PTPRA: variants seen among roughly 807,000 people sequenced by gnomAD.
PTPRA encodes receptor-type tyrosine-protein phosphatase alpha.
In PTPRA, 25 loss-of-function variants were observed where a neutral mutation model predicts 104.8. The ratio of observed to expected loss-of-function variants is 0.24; its 90% CI spans 0.17 to 0.33. The LOEUF is 0.33. Among genes scored for constraint, PTPRA ranks in the 10% least tolerant of loss-of-function variants. The probability of loss-of-function intolerance (pLI) is 1.00; values close to 1 mark genes in which losing one functional copy is unlikely to be tolerated. For missense variants in PTPRA, 765 were observed against 1,015.3 expected (o/e 0.75, Z 3.35); for synonymous variants, 323 against 368.9 (o/e 0.88, Z 1.43).
At chr20:2,883,895 C>G (rs1008002724) in intron 1 of PTPRA, among the ~76,000 whole-genome samples, 2 of 152,298 alleles carry the variant, frequency 1.3e-5, no homozygotes, top group South Asian at 2.1e-4. Context: ...AGCCTCACTT[C>G]CCATTCTCTC....
chr20:3,018,883 G>T (rs1242688566), intron 13 of PTPRA, among the ~76,000 whole-genome samples: 1 of 113,358 alleles, frequency 8.8e-6, no homozygotes, highest in Non-Finnish European at 1.7e-5. Context: ...CCCGGACGGG[G>T]TGGCTGGCCG....
intron 1 of PTPRA, among the ~76,000 whole-genome samples, chr20:2,902,087 G>A (rs928909221): frequency 2.6e-4 from 39 of 152,024 alleles, no homozygotes; most frequent in South Asian, 8.3e-4. Context: ...GTTTCACCAT[G>A]TTGGTCAGGC....
At chr20:2,929,714 A>C (rs1252392888) in intron 2 of PTPRA, among the ~76,000 whole-genome samples, 1 of 152,044 alleles carries the variant, frequency 6.6e-6, no homozygotes, top group South Asian at 2.1e-4. Flanking sequence ...GGTCCCAGCT[A>C]TTCCAGAGCC....
intron 1 of PTPRA, among the ~76,000 whole-genome samples, chr20:2,882,294 T>G (rs1474076410): frequency 7.1e-6 from 1 of 140,284 alleles, no homozygotes; most frequent in Non-Finnish European, 1.5e-5. Context: ...CTTTCTTTCT[T>G]TCTTTTTTTT....
At chr20:2,930,361 G>A (rs116176249) in intron 2 of PTPRA, among the ~76,000 whole-genome samples, 52 of 152,296 alleles carry the variant, frequency 3.4e-4, no homozygotes, top group African/African-American at 1.2e-3. Context: ...AAGCTCAGTA[G>A]TGTAAGAATT....
chr20:2,927,312 G>A (rs2060337765), intron 2 of PTPRA, among the ~76,000 whole-genome samples: 1 of 152,074 alleles, frequency 6.6e-6, no homozygotes, highest in African/African-American at 2.4e-5. Context: ...ATAGACCCTG[G>A]GCTATTCAAA....
At chr20:3,027,569 G>A (rs534147882) in intron 19 of PTPRA, 138 bp from the exon 20 acceptor site, 8 of 1,186,530 alleles carry the variant, frequency 6.7e-6, no homozygotes, top group East Asian at 2.4e-5. Flanking sequence ...ATAGGGTTTC[G>A]TCCTTGGCCA....
At chr20:2,923,644 C>G (rs2060180410) in intron 2 of PTPRA, among the ~76,000 whole-genome samples, 1 of 151,974 alleles carries the variant, frequency 6.6e-6, no homozygotes, top group South Asian at 2.1e-4. Flanking sequence ...ACCAAAAATA[C>G]AAAAATTAGC....
At chr20:3,001,218 C>T (rs938174218) in intron 9 of PTPRA, among the ~76,000 whole-genome samples, 3 of 152,334 alleles carry the variant, frequency 2.0e-5, no homozygotes, top group African/African-American at 7.2e-5. Context: ...ACCTTGTTTT[C>T]ATCCGTGACG....
intron 22 of PTPRA, 120 bp downstream of exon 22, chr20:3,036,061 T>C (rs777365213): frequency 1.2e-4 from 177 of 1,502,110 alleles, no homozygotes; most frequent in Non-Finnish European, 1.5e-4. Flanking sequence ...GGTGAGCACA[T>C]AGTAGTTGAG....
the PTPRA span, chr20:2,864,364 G>C: frequency 6.2e-7 from 1 of 1,614,068 alleles, no homozygotes; most frequent in Non-Finnish European, 8.5e-7. The surrounding 1 kb of genome is among the most constrained non-coding windows in gnomAD (Gnocchi z 5.2). Context: ...CTCTCCTGCA[G>C]TGTTCACGGT....
At chr20:2,931,839 C>A (rs906926474) in intron 2 of PTPRA, among the ~76,000 whole-genome samples, 5 of 152,104 alleles carry the variant, frequency 3.3e-5, no homozygotes, top group Admixed American at 1.3e-4. Context: ...TCCCTCAGGC[C>A]TCCTGAGTTG....
chr20:2,870,017 C>T (rs2089409348), upstream of PTPRA, among the ~76,000 whole-genome samples: 1 of 151,822 alleles, frequency 6.6e-6, no homozygotes, highest in Non-Finnish European at 1.5e-5. Flanking sequence ...CTACAACTCA[C>T]CTTCTCAGGG....
intron 1 of PTPRA, among the ~76,000 whole-genome samples, chr20:2,886,985 A>T (rs2090427402): frequency 6.6e-6 from 1 of 152,196 alleles, no homozygotes; most frequent in African/African-American, 2.4e-5. Flanking sequence ...TATTTGTATA[A>T]TGGGGGTGAA....
intron 2 of PTPRA, among the ~76,000 whole-genome samples, chr20:2,932,692 A>G (rs2060551671): frequency 1.3e-5 from 2 of 152,210 alleles, no homozygotes; most frequent in Non-Finnish European, 2.9e-5. Context: ...GACATAGGAA[A>G]CTGACAAAGG....
chr20:2,938,076 T>C (rs1318991005), intron 2 of PTPRA, among the ~76,000 whole-genome samples: 3 of 152,166 alleles, frequency 2.0e-5, no homozygotes, highest in East Asian at 1.9e-4. Context: ...CCCAACACTT[T>C]GAGAGGCCAA....
chr20:3,022,030 A>G lies in PTPRA; in HGVS notation c.1162-24A>G. On this transcript the variant is annotated intron_variant, in intron 14 of 23. Transcript: ENST00000399903. The surrounding 1 kb of genome is among the most constrained non-coding windows in gnomAD (Gnocchi z 4.6). ...CCCACCCTTGGGTATCAGGGCCAAC[A>G]CACAGGATCTCCTCACTTCACAGGT... is the stretch of plus-strand genomic sequence containing the variant. 6.2e-7 allele frequency: 1 copy of G among 1,613,572 alleles called. No individual in the cohort carries two copies.
intron 7 of PTPRA, among the ~76,000 whole-genome samples, chr20:2,987,202 C>T (rs2062947465): frequency 1.3e-5 from 2 of 151,846 alleles, no homozygotes. Context: ...CTGAAGCAAC[C>T]CCTAAAAGGG....
chr20:2,920,369 C>T (rs1379303645), intron 1 of PTPRA, among the ~76,000 whole-genome samples: 2 of 152,182 alleles, frequency 1.3e-5, no homozygotes, highest in African/African-American at 2.4e-5. Context: ...TTGGAATCAC[C>T]TGTAGTGCTT....
Sources: allele counts gnomAD v4.1 joint callset (sites outside exome capture counted in the v4.1 genomes callset), GRCh38; gene constraint gnomAD v4.1.1; non-coding constraint Gnocchi (gnomAD v3.1); transcripts MANE v1.5; gene names NCBI Gene and HGNC (gene_info 2026-07-23, HGNC 2026-07-21).